STAP2: variants seen among roughly 807,000 people sequenced by gnomAD.
The protein encoded by STAP2 is signal transducing adaptor family member 2.
In STAP2, 58 loss-of-function variants were observed where a neutral mutation model predicts 52.7. The observed-to-expected ratio is 1.10, with a 90% CI of 0.89 to 1.37. STAP2 has a LOEUF of 1.37. Ranked by LOEUF, STAP2 falls within the 40% of genes most tolerant of loss-of-function variation. STAP2 has a pLI of 0.00. For missense variants in STAP2, 522 were observed against 519.4 expected, an observed-to-expected ratio of 1.00 and a Z score of -0.05; for synonymous variants, 231 against 210.5, an observed-to-expected ratio of 1.10 and a Z score of -0.84.
Position 4,328,727 on chromosome 19 carries a change from T to C in STAP2, c.538A>G (p.Ser180Gly). ...PECGNLLLRPSGDGADGVSVT... is the reference protein window; with the variant it reads ...PECGNLLLRPGGDGADGVSVT... ...GACACGCCGTCGGCGCCGTCCCCGCTGGGCCGCAGCAGCAGGTTCCCGCAC... is the reference window on the plus strand; with the variant it reads ...GACACGCCGTCGGCGCCGTCCCCGCCGGGCCGCAGCAGCAGGTTCCCGCAC... Residue 180 changes from serine (S) to glycine (G), a missense_variant, in exon 6 of 13, where the codon AGC (serine) becomes GGC (glycine). By Grantham distance (56) the Ser-to-Gly change is moderately conservative (BLOSUM62 0). Coordinates refer to ENST00000594605, the MANE Select transcript of STAP2 (RefSeq NM_001013841.2). 6.2e-7 allele frequency: 1 copy of C among 1,608,050 alleles called. No homozygotes were observed.
intron 1 of STAP2, among the ~76,000 whole-genome samples, chr19:4,337,031 T>G (rs1227909854): frequency 1.3e-5 from 2 of 152,004 alleles, no homozygotes; most frequent in Admixed American, 1.3e-4. Context: ...GAAAGTCTAC[T>G]CCACTACAGG....
At chr19:4,330,126 T>G in intron 4 of STAP2, 65 bp from the exon 5 acceptor site, 1 of 1,335,270 alleles carries the variant, frequency 7.5e-7, no homozygotes, top group Non-Finnish European at 1.1e-6. Context: ...TGTGCCCAAG[T>G]CACAGAGTGG....
intron 1 of STAP2, among the ~76,000 whole-genome samples, chr19:4,337,611 C>T (rs1206818624): frequency 1.3e-5 from 2 of 150,536 alleles, no homozygotes; most frequent in Non-Finnish European, 3.0e-5. Context: ...TTTAGAGAGG[C>T]CGAGACAGGT....
intron 4 of STAP2, among the ~76,000 whole-genome samples, chr19:4,330,645 A>G (rs982872461): frequency 5.9e-5 from 9 of 151,918 alleles, no homozygotes; most frequent in Admixed American, 2.6e-4. Context: ...GAGGTAGGAA[A>G]CAGGGAAATC....
chr19:4,330,141 T>C, intron 4 of STAP2, 80 bp from the exon 5 acceptor site: 1 of 1,107,038 alleles, frequency 9.0e-7, no homozygotes, highest in South Asian at 1.3e-5. Flanking sequence ...GAGTGGCAAA[T>C]TGAGGCCAGA....
intron 9 of STAP2, 46 bp from the exon 10 acceptor site, chr19:4,325,591 A>T (rs749730991): frequency 6.5e-7 from 1 of 1,528,686 alleles, no homozygotes; most frequent in Admixed American, 2.0e-5. Context: ...TCATACAGGG[A>T]CACCTTGCAG....
At position 4,334,527 on chromosome 19, in the gene STAP2, C is replaced by T. The variant is rs180714346; in HGVS notation, c.103-483G>A. Among the ~76,000 whole-genome samples the T allele has an allele frequency of 3.0e-4, 45 of 151,108 alleles. No individual in the cohort carries two copies. In the East Asian group the frequency reaches 6.5e-3, roughly 22 times the overall value. Reference sequence around the variant, plus strand: ...TCTGCCCACCATCCATCCACCAATCCGTCCACCCACCCACCCATCCACACA... The same window carrying T: ...TCTGCCCACCATCCATCCACCAATCTGTCCACCCACCCACCCATCCACACA... On this transcript the variant is annotated intron_variant, in intron 1 of 12. Transcript: ENST00000594605.
chr19:4,330,131 G>A (rs1057466427), intron 4 of STAP2, 70 bp from the exon 5 acceptor site: 1 of 1,286,492 alleles, frequency 7.8e-7, no homozygotes, highest in African/African-American at 1.5e-5. Context: ...CCAAGTCACA[G>A]AGTGGCAAAT....
In STAP2 at chr19:4,327,091, C is replaced by T. The variant is rs568826967; in HGVS notation, c.763+33G>A. The T allele has an allele frequency of 3.1e-6, 5 of 1,612,960 alleles. No individual in the cohort carries two copies. In the South Asian group the frequency reaches 5.5e-5, roughly 18 times the overall value. On this transcript the variant is annotated intron_variant, in intron 8 of 12. Transcript: ENST00000594605. ...CGAGCGGGGGCGGGAGAGGTGAGCACTGGGCCCCCGAACTCCCCGAAGGGG... is the reference window on the plus strand; with the variant it reads ...CGAGCGGGGGCGGGAGAGGTGAGCATTGGGCCCCCGAACTCCCCGAAGGGG...
chr19:4,335,921 G>A (rs1007370913), intron 1 of STAP2, among the ~76,000 whole-genome samples: 1 of 152,192 alleles, frequency 6.6e-6, no homozygotes, highest in Non-Finnish European at 1.5e-5. Context: ...CAAAGATTAA[G>A]TCACTTGCAT....
intron 1 of STAP2, among the ~76,000 whole-genome samples, chr19:4,334,884 C>G (rs909492171): frequency 2.2e-4 from 26 of 116,904 alleles, no homozygotes; most frequent in Admixed American, 5.3e-4. Flanking sequence ...CATCCATCCA[C>G]CTACTCATCC....
intron 1 of STAP2, among the ~76,000 whole-genome samples, chr19:4,337,975 G>A (rs761977929): frequency 9.2e-5 from 14 of 152,130 alleles, no homozygotes; most frequent in African/African-American, 3.4e-4. Flanking sequence ...AGCCATGATC[G>A]TGCCCCTGCA....
intron 4 of STAP2, among the ~76,000 whole-genome samples, chr19:4,330,872 G>A (rs1044477061): frequency 2.6e-5 from 4 of 151,486 alleles, no homozygotes; most frequent in Non-Finnish European, 4.4e-5. Context: ...CCGCCACCAC[G>A]CCCAGCTGAT....
chr19:4,325,596 T>TTGCAGGTTGGCGG, intron 9 of STAP2, 51 bp from the exon 10 acceptor site: 2 of 1,523,656 alleles, frequency 1.3e-6, no homozygotes, highest in Non-Finnish European at 8.8e-7. Flanking sequence ...CAGGGACACC[T>TTGCAGGTTGGCGG]TGCAGGTTGG....
At position 4,326,949 on chromosome 19, in the gene STAP2, C is replaced by T. The variant is rs768922230; in HGVS notation, c.822G>A (p.Pro274=). Residue 274 remains proline, a synonymous_variant, in exon 9 of 13, where the codon CCG becomes CCA. Transcript: ENST00000594605. The stretch of plus-strand genomic sequence containing the variant: ...GCGGGAAGGGGGCGTCACCTGGGCC[C>T]GGAGCGGAGGGCGCCACCCACACAT... ...GENVWVAPSA[P]GPGPAPCTGG... 9 of 1,549,304 alleles carry T rather than the reference C, an allele frequency of 5.8e-6. No homozygotes were observed. The highest frequency in any genetic ancestry group is 2.0e-5 in the Admixed American group (1 of 50,970).
intron 1 of STAP2, among the ~76,000 whole-genome samples, chr19:4,336,621 CTTTCT>C (rs1395808868): frequency 6.6e-6 from 1 of 150,490 alleles, no homozygotes; most frequent in African/African-American, 2.4e-5. Context: ...CCCCCATTAT[CTTTCT>C]TTTCTTTTTT....
chr19:4,332,732 G>A (rs1042615235), intron 3 of STAP2, among the ~76,000 whole-genome samples: 5 of 151,982 alleles, frequency 3.3e-5, no homozygotes, highest in African/African-American at 7.3e-5. Context: ...GCTGAGGTAG[G>A]AGGATCGATC....
chr19:4,338,643 C>T lies in STAP2; in HGVS notation c.102+9G>A, dbSNP rs776512416. On this transcript the variant is annotated intron_variant, in intron 1 of 12. Transcript: ENST00000594605. ...CCCAGCAGGGCCAGCCCCCGCCTCC[C>T]CACCTTACCCGGTCACAGGGCCCCT... 1 of 1,611,874 alleles carries T rather than the reference C, an allele frequency of 6.2e-7. No homozygotes were observed. The highest frequency in any genetic ancestry group is 8.5e-7 in the Non-Finnish European group (1 of 1,178,938).
At chr19:4,329,284 T>C (rs1462019021) in intron 5 of STAP2, among the ~76,000 whole-genome samples, 1 of 151,928 alleles carries the variant, frequency 6.6e-6, no homozygotes, top group Non-Finnish European at 1.5e-5. Context: ...GGTTTTTTTT[T>C]TCTTTAGAGA....
Sources: allele counts gnomAD v4.1 joint callset (sites outside exome capture counted in the v4.1 genomes callset), GRCh38; gene constraint gnomAD v4.1.1; transcripts MANE v1.5; gene names NCBI Gene and HGNC (gene_info 2026-07-23, HGNC 2026-07-21).